Variants in UBE2J1 observed in about 807,000 individuals in gnomAD.
UBE2J1 encodes the protein ubiquitin conjugating enzyme E2 J1.
In UBE2J1, 17 loss-of-function variants were observed where a neutral mutation model predicts 42.1. That is an observed-to-expected ratio of 0.40 (90% CI 0.28 to 0.61). UBE2J1 has a LOEUF of 0.61. Among genes scored for constraint, UBE2J1 ranks in the 20% least tolerant of loss-of-function variants. The probability of loss-of-function intolerance (pLI) is 0.38; values close to 1 mark genes in which losing one functional copy is unlikely to be tolerated. For missense variants in UBE2J1, 291 were observed against 389.4 expected, an observed-to-expected ratio of 0.75 and a Z score of 2.13; for synonymous variants, 127 against 137.2, an observed-to-expected ratio of 0.93 and a Z score of 0.52.
intron 5 of UBE2J1, among the ~76,000 whole-genome samples, chr6:89,337,475 A>T (rs540594629): frequency 1.2e-4 from 19 of 152,202 alleles, no homozygotes; most frequent in Non-Finnish European, 2.4e-4. Context: ...TTTAGCAAAT[A>T]TCTGTAGAGG....
chr6:89,336,847 T>C (rs1440570990), intron 5 of UBE2J1, among the ~76,000 whole-genome samples: 3 of 150,194 alleles, frequency 2.0e-5, no homozygotes, highest in Admixed American at 1.3e-4. Flanking sequence ...AAATCTTTGT[T>C]TTTTTTTTTT....
In UBE2J1 at chr6:89,338,317, T is replaced by C; in HGVS notation, c.323-7A>G. 5 of 1,607,310 alleles carry C rather than the reference T, an allele frequency of 3.1e-6. No individual in the cohort carries two copies. Among genetic ancestry groups the C allele is most frequent in the Non-Finnish European group, 4.2e-6 (5 of 1,177,152 alleles). ...GCTAATAATGCTGTCCTTACTGAAA[T>C]AAAAAAGTAAATATCAATCTAAATT... On this transcript the variant is annotated splice_region_variant and splice_polypyrimidine_tract_variant and intron_variant, in intron 4 of 7. Coordinates refer to ENST00000435041, the MANE Select transcript of UBE2J1 (RefSeq NM_016021.3).
chr6:89,343,654 A>G (rs760274577), intron 2 of UBE2J1, 29 bp downstream of exon 2: 18 of 1,544,092 alleles, frequency 1.2e-5, no homozygotes, highest in Middle Eastern at 1.7e-4. Flanking sequence ...ATTAAAATCC[A>G]TATGAAGAAC....
At position 89,352,658 on chromosome 6, in the gene UBE2J1, G is replaced by T; in HGVS notation, c.-89C>A. On this transcript the variant is annotated 5_prime_UTR_variant, in exon 1 of 8. Coordinates refer to ENST00000435041, the MANE Select transcript of UBE2J1 (RefSeq NM_016021.3). The stretch of plus-strand genomic sequence containing the variant: ...GCCCGGGTCTCAGCGCGGCTCGGGC[G>T]GACGGGGCCTGGCCGAGGAGCCTCG... The T allele has an allele frequency of 7.1e-7, 1 of 1,407,522 alleles. No individual in the cohort carries two copies. Among genetic ancestry groups the T allele is most frequent in the Non-Finnish European group, 9.4e-7 (1 of 1,068,300 alleles). The allele number at this position is 1,407,522 out of a possible 1,614,324, so 87.2% of individuals were successfully genotyped here. A position where few individuals can be genotyped will look rare whatever the true frequency, so the allele number is the denominator to read the frequency against.
In UBE2J1 at chr6:89,328,005, C is replaced by G. The variant is rs999199235; in HGVS notation, c.*1674G>C. On this transcript the variant is annotated 3_prime_UTR_variant, in exon 8 of 8. Coordinates refer to ENST00000435041, the MANE Select transcript of UBE2J1 (RefSeq NM_016021.3). ...GATTTTCCTCATATAATGAGATCTT[C>G]ATAAAGTCCTTGAGCTTTTTAGACT... 1 of 152,198 alleles carries G rather than the reference C, an allele frequency of 6.6e-6. No individual in the cohort carries two copies. The highest frequency in any genetic ancestry group is 1.5e-5 in the Non-Finnish European group (1 of 68,038). 9.4% of individuals were successfully genotyped at this position (152,198 alleles called of 1,614,324 possible).
At position 89,329,606 on chromosome 6, in the gene UBE2J1, A is replaced by T; in HGVS notation, c.*73T>A. ...ATACAAAATAATCTTTTTGTAAACA[A>T]TTCTTAGATTATACCCAATGCAGAA... On this transcript the variant is annotated 3_prime_UTR_variant, in exon 8 of 8. Coordinates refer to ENST00000435041, the MANE Select transcript of UBE2J1 (RefSeq NM_016021.3). 2 of 1,490,262 alleles carry T rather than the reference A, an allele frequency of 1.3e-6. No homozygotes were observed. Among genetic ancestry groups the T allele is most frequent in the Non-Finnish European group, 1.8e-6 (2 of 1,086,274 alleles). The allele number at this position is 1,490,262 out of a possible 1,614,324, so 92.3% of individuals were successfully genotyped here. A position where few individuals can be genotyped will look rare whatever the true frequency, so the allele number is the denominator to read the frequency against.
intron 5 of UBE2J1, among the ~76,000 whole-genome samples, chr6:89,337,134 C>T (rs1768122175): frequency 6.6e-6 from 1 of 152,110 alleles, no homozygotes; most frequent in Admixed American, 6.6e-5. Flanking sequence ...AGCCACCATG[C>T]CCGGCCCAAA....
chr6:89,337,258 T>A (rs1768127665), intron 5 of UBE2J1, among the ~76,000 whole-genome samples: 2 of 144,636 alleles, frequency 1.4e-5, no homozygotes, highest in South Asian at 2.2e-4. Context: ...GCACATGAAA[T>A]CAACTGGATA....
intron 6 of UBE2J1, among the ~76,000 whole-genome samples, chr6:89,334,300 G>C (rs1284324770): frequency 3.3e-5 from 5 of 151,770 alleles, no homozygotes; most frequent in Non-Finnish European, 7.4e-5. Context: ...ACTGCGCCCA[G>C]CTAATACCTT....
chr6:89,329,638 A>AT lies in UBE2J1; in HGVS notation c.*40dup, dbSNP rs1562408492. ...GATTATACCCAATGCAGAATGTTTA[A>AT]TGAAGCAGTTGAGTCACAGCTCATA... On this transcript the variant is annotated 3_prime_UTR_variant, in exon 8 of 8. Coordinates refer to ENST00000435041, the MANE Select transcript of UBE2J1 (RefSeq NM_016021.3). The AT allele has an allele frequency of 6.2e-7, 1 of 1,602,634 alleles. No individual in the cohort carries two copies. The highest frequency in any genetic ancestry group is 8.5e-7 in the Non-Finnish European group (1 of 1,171,384).
intron 1 of UBE2J1, among the ~76,000 whole-genome samples, chr6:89,349,805 G>C (rs1015297061): frequency 2.6e-5 from 4 of 152,126 alleles, no homozygotes; most frequent in African/African-American, 7.2e-5. Context: ...GAGGCAGTGG[G>C]TACTTTTGCA....
intron 2 of UBE2J1, among the ~76,000 whole-genome samples, 154 bp from the exon 3 acceptor site, chr6:89,342,609 G>C (rs1165299110): frequency 6.6e-6 from 1 of 152,154 alleles, no homozygotes; most frequent in Non-Finnish European, 1.5e-5. Context: ...GAGACTATAA[G>C]TGATAAATTA....
chr6:89,349,858 C>T (rs545625033), intron 1 of UBE2J1, among the ~76,000 whole-genome samples: 4 of 152,094 alleles, frequency 2.6e-5, no homozygotes, highest in Non-Finnish European at 5.9e-5. Context: ...ATGTCAATGG[C>T]CCCCTGATGA....
rs1161329773 is a variant in UBE2J1 at position 89,329,664 on chromosome 6, A to C, written c.*15T>G. On this transcript the variant is annotated 3_prime_UTR_variant, in exon 8 of 8. Coordinates refer to ENST00000435041, the MANE Select transcript of UBE2J1 (RefSeq NM_016021.3). ...TGAAGCAGTTGAGTCACAGCTCATA[A>C]GTCACAAAACCATATTATAACTCAA... The C allele has an allele frequency of 1.2e-6, 2 of 1,613,656 alleles. No homozygotes were observed. Among genetic ancestry groups the C allele is most frequent in the African/African-American group, 1.3e-5 (1 of 75,034 alleles).
At chr6:89,345,081 G>C (rs1174055080) in intron 1 of UBE2J1, among the ~76,000 whole-genome samples, 1 of 152,142 alleles carries the variant, frequency 6.6e-6, no homozygotes, top group East Asian at 1.9e-4. Flanking sequence ...AGGACAGGCT[G>C]GGCATCTAAC....
At chr6:89,349,259 T>C (rs1424514568) in intron 1 of UBE2J1, among the ~76,000 whole-genome samples, 1 of 151,184 alleles carries the variant, frequency 6.6e-6, no homozygotes, top group South Asian at 2.1e-4. Flanking sequence ...AGCATAAGAG[T>C]GGTGGACAGT....
intron 2 of UBE2J1, 138 bp from the exon 3 acceptor site, chr6:89,342,593 T>C (rs1768268922): frequency 5.4e-6 from 4 of 739,580 alleles, no homozygotes; most frequent in Admixed American, 3.6e-5. Flanking sequence ...ATGCATGAGA[T>C]GTCTCGAGAC....
intron 6 of UBE2J1, among the ~76,000 whole-genome samples, chr6:89,333,900 G>A (rs1275513224): frequency 6.6e-6 from 1 of 152,208 alleles, no homozygotes; most frequent in East Asian, 1.9e-4. Context: ...AAGAGGAAGA[G>A]AGCATGCTGC....
chr6:89,343,981 A>T (rs1388731560), intron 1 of UBE2J1, among the ~76,000 whole-genome samples: 2 of 152,040 alleles, frequency 1.3e-5, no homozygotes, highest in South Asian at 4.1e-4. Context: ...TAGTGAAGAC[A>T]CTATTTTTAT....
Sources: gnomAD v4.1 joint callset for allele counts (sites outside exome capture counted in the v4.1 genomes callset) on GRCh38, gnomAD v4.1.1 for gene constraint, MANE v1.5 for transcripts, NCBI Gene and HGNC (gene_info 2026-07-23, HGNC 2026-07-21) for gene names.